Variants in RCN2 observed in about 807,000 individuals in gnomAD.
RCN2 encodes reticulocalbin-2.
A neutral mutation model predicts 37.5 loss-of-function variants in RCN2; 23 were observed. The ratio of observed to expected loss-of-function variants is 0.61; its 90% CI spans 0.44 to 0.87. The LOEUF is 0.87. RCN2 is among the 40% of genes least tolerant of loss of function. The probability of loss-of-function intolerance (pLI) is 0.00; values close to 1 mark genes in which losing one functional copy is unlikely to be tolerated. For missense variants in RCN2, 381 were observed against 390.4 expected (o/e 0.98, Z 0.20); for synonymous variants, 140 against 144.6 (o/e 0.97, Z 0.23).
intron 3 of RCN2, among the ~76,000 whole-genome samples, chr15:76,936,960 C>G (rs753390062): frequency 6.6e-6 from 1 of 152,214 alleles, no homozygotes; most frequent in African/African-American, 2.4e-5. Flanking sequence ...CCACTAGCTC[C>G]TGGCAACCAC....
Position 76,941,635 on chromosome 15 carries a change from A to G in RCN2, c.448-2123A>G, listed in dbSNP as rs202241868. The G allele has an allele frequency of 2.2e-3, 3,232 of 1,466,146 alleles. 8 individuals carry two copies. Among genetic ancestry groups the G allele is most frequent in the South Asian group, 4.2e-3 (317 of 74,660 alleles). The allele number at this position is 1,466,146 out of a possible 1,614,324, so 90.8% of individuals were successfully genotyped here. A position where few individuals can be genotyped will look rare whatever the true frequency, so the allele number is the denominator to read the frequency against. On this transcript the variant is annotated intron_variant, in intron 3 of 6. Transcript: ENST00000394885. ...TGACCATCTTTTTTGTTATTTTTTT[A>G]GGAATTTGCCATTTGTAAAAAACAG...
At position 76,947,468 on chromosome 15, in the gene RCN2, T is replaced by C. The variant is rs779300135; in HGVS notation, c.609T>C (p.Asp203=). The change falls in exon 5 of 7, where the codon GAT becomes GAC. Residue 203 remains aspartate (D), a synonymous_variant. Transcript: ENST00000394885. ...TAGAAGAACATGACAAAAATGGTGA[T>C]GGATTTGTTAGTTTGGAAGAATTTC... ...EALEEHDKNG[D]GFVSLEEFLG... The C allele has an allele frequency of 6.2e-7, 1 of 1,609,786 alleles. No individual in the cohort carries two copies. The highest frequency in any genetic ancestry group is 8.5e-7 in the Non-Finnish European group (1 of 1,178,168).
At position 76,949,107 on chromosome 15, in the gene RCN2, A is replaced by G; in HGVS notation, c.839A>G (p.Asp280Gly). Residue 280 changes from aspartate (D) to glycine (G), a missense_variant, in exon 7 of 7, where the codon GAC (aspartate) becomes GGC (glycine). Transcript: ENST00000394885. ...HLIDEMDLNG[D>G]KKLSEEEILE... The stretch of plus-strand genomic sequence containing the variant: ...ATTGATGAAATGGATTTGAATGGTG[A>G]CAAAAAGCTCTCTGAAGAAGAGATT... 1 of 1,611,590 alleles carries G rather than the reference A, an allele frequency of 6.2e-7. No homozygotes were observed. The highest frequency in any genetic ancestry group is 8.5e-7 in the Non-Finnish European group (1 of 1,179,280).
intron 4 of RCN2, among the ~76,000 whole-genome samples, chr15:76,945,705 G>A (rs1240248560): frequency 6.6e-6 from 1 of 152,226 alleles, no homozygotes; most frequent in Non-Finnish European, 1.5e-5. Context: ...TTCAAAGAAG[G>A]AAGATATATC....
At chr15:76,937,092 T>C (rs900655339) in intron 3 of RCN2, among the ~76,000 whole-genome samples, 1 of 152,254 alleles carries the variant, frequency 6.6e-6, no homozygotes, top group African/African-American at 2.4e-5. Context: ...TCTTCCATTT[T>C]GTAGCATGCA....
chr15:76,942,111 T>A (rs1283428184), intron 3 of RCN2: 1 of 153,082 alleles, frequency 6.5e-6, no homozygotes, highest in Admixed American at 6.5e-5. Flanking sequence ...ATTGGGTGAA[T>A]ATAACTGGCT....
At position 76,953,578 on chromosome 15, in the gene RCN2, TA is replaced by T. The variant is rs2075332459; in HGVS notation, c.*4357del. On this transcript the variant is annotated 3_prime_UTR_variant, in exon 7 of 7. Transcript: ENST00000394885. ...TTCTATATATATATATATATATATA[TA>T]TATATATATATATATTTTTTTTTTT... The T allele has an allele frequency of 6.6e-4, 13 of 19,766 alleles. No individual in the cohort carries two copies. The highest frequency in any genetic ancestry group is 7.9e-4 in the Non-Finnish European group (7 of 8,906). The allele number at this position is 19,766 out of a possible 1,614,324, so 1.2% of individuals were successfully genotyped here.
chr15:76,937,181 A>C (rs1466105135), intron 3 of RCN2, among the ~76,000 whole-genome samples: 2 of 152,152 alleles, frequency 1.3e-5, no homozygotes, highest in Non-Finnish European at 2.9e-5. Flanking sequence ...CCAAAATCAA[A>C]ATGCTCTTAA....
chr15:76,941,857 C>T lies in RCN2; in HGVS notation c.448-1901C>T, dbSNP rs1486222077. On this transcript the variant is annotated intron_variant, in intron 3 of 6. Coordinates refer to ENST00000394885, the MANE Select transcript of RCN2 (RefSeq NM_002902.3). ...TTTAGCTCTTCTCCTGAAACATGGA[C>T]CTTTTTGCTCCAAAGTGAAGGGTTC... 3 of 429,866 alleles carry T rather than the reference C, an allele frequency of 7.0e-6. No homozygotes were observed. In the East Asian group the frequency reaches 1.0e-4, roughly 15 times the overall value. 26.6% of individuals were successfully genotyped at this position (429,866 alleles called of 1,614,324 possible).
intron 3 of RCN2, among the ~76,000 whole-genome samples, chr15:76,938,460 G>A (rs901658324): frequency 1.3e-5 from 2 of 152,120 alleles, no homozygotes; most frequent in African/African-American, 2.4e-5. Flanking sequence ...AAATATGGAG[G>A]GAGGAGTGCA....
chr15:76,937,360 G>A (rs1376898694), intron 3 of RCN2, among the ~76,000 whole-genome samples: 2 of 151,762 alleles, frequency 1.3e-5, no homozygotes, highest in African/African-American at 4.8e-5. Context: ...AATTTTTTGA[G>A]AAACCACAGT....
chr15:76,947,364 C>A, intron 4 of RCN2, 57 bp from the exon 5 acceptor site: 1 of 995,232 alleles, frequency 1.0e-6, no homozygotes, highest in Non-Finnish European at 1.5e-6. Context: ...AATCGGATGG[C>A]AGTGGGACTG....
intron 3 of RCN2, among the ~76,000 whole-genome samples, chr15:76,939,468 T>G (rs954503745): frequency 2.6e-5 from 4 of 152,280 alleles, no homozygotes; most frequent in African/African-American, 9.6e-5. Flanking sequence ...TAGTTAGGAT[T>G]TTATTTTTTA....
chr15:76,943,682 A>T, intron 3 of RCN2, 76 bp from the exon 4 acceptor site: 1 of 798,014 alleles, frequency 1.3e-6, no homozygotes, highest in Non-Finnish European at 2.1e-6. Flanking sequence ...AATGTACTTT[A>T]AATTTCACAT....
intron 4 of RCN2, 93 bp from the exon 5 acceptor site, chr15:76,947,328 T>C (rs1335192004): frequency 8.3e-6 from 6 of 726,434 alleles, no homozygotes; most frequent in Non-Finnish European, 1.4e-5. Flanking sequence ...ATCATTTATT[T>C]CTAAAGAAGT....
intron 4 of RCN2, among the ~76,000 whole-genome samples, chr15:76,944,311 A>C (rs2152651266): frequency 6.6e-6 from 1 of 152,176 alleles, no homozygotes; most frequent in East Asian, 1.9e-4. Flanking sequence ...TGCAATGTGA[A>C]ATAATCAGAT....
rs1432007942 is a variant in RCN2 at position 76,951,580 on chromosome 15, G to A, written c.*2358G>A. 6.6e-6 allele frequency: 1 copy of A among 152,194 alleles called. No homozygotes were observed. Among genetic ancestry groups the A allele is most frequent in the African/African-American group, 2.4e-5 (1 of 41,454 alleles). 9.4% of individuals were successfully genotyped at this position (152,194 alleles called of 1,614,324 possible). ...ACAATAGGCTTTTAATAAGCATGCA[G>A]AGAAAAAGAATCATCTGCTTGAACA... is the stretch of plus-strand genomic sequence containing the variant. On this transcript the variant is annotated 3_prime_UTR_variant, in exon 7 of 7. Coordinates refer to ENST00000394885, the MANE Select transcript of RCN2 (RefSeq NM_002902.3).
Position 76,949,161 on chromosome 15 carries a change from G to A in RCN2, c.893G>A (p.Ser298Asn). Residue 298 changes from serine (S) to asparagine (N), a missense_variant, in exon 7 of 7, where the codon AGT (serine) becomes AAT (asparagine). Ser to Asn is a conservative substitution (Grantham distance 46). Transcript: ENST00000394885. ...ILENPDLFLTSEATDYGRQLH... is the reference protein window; with the variant it reads ...ILENPDLFLTNEATDYGRQLH... ...GAAAACCCGGACTTGTTTCTCACCA[G>A]TGAAGCCACAGATTATGGCAGACAG... The A allele has an allele frequency of 6.2e-7, 1 of 1,613,294 alleles. No individual in the cohort carries two copies. The highest frequency in any genetic ancestry group is 8.5e-7 in the Non-Finnish European group (1 of 1,179,620).
chr15:76,936,469 A>G (rs2075248549), intron 3 of RCN2, among the ~76,000 whole-genome samples: 1 of 152,028 alleles, frequency 6.6e-6, no homozygotes, highest in African/African-American at 2.4e-5. Flanking sequence ...GGAGTGCGCA[A>G]CGAAGATCCC....
Sources: allele counts gnomAD v4.1 joint callset (sites outside exome capture counted in the v4.1 genomes callset), GRCh38; gene constraint gnomAD v4.1.1; transcripts MANE v1.5; gene names NCBI Gene and HGNC (gene_info 2026-07-23, HGNC 2026-07-21).